RANBP3: variants seen among roughly 807,000 people sequenced by gnomAD.
The protein encoded by RANBP3 is ran-binding protein 3.
Under a neutral mutation model 77.3 loss-of-function variants are expected in RANBP3, and 14 were observed. The observed-to-expected ratio is 0.18, with a 90% CI of 0.12 to 0.28. The LOEUF (loss-of-function observed/expected upper bound fraction) is 0.28, where lower values mean the gene tolerates loss of function less well. Ranked by LOEUF, RANBP3 falls within the 10% of genes least tolerant of loss-of-function variation. The pLI is 1.00. For synonymous variants in RANBP3, 315 were observed against 312.4 expected (o/e 1.01, Z -0.09); for missense variants, 586 against 752.3 (o/e 0.78, Z 2.59).
In RANBP3 at chr19:5,919,371, C is replaced by T. The variant is rs1048714042; in HGVS notation, c.1331-733G>A. Reference sequence around the variant, plus strand: ...CCTGGAGACGGTCAGAAACTTGTCCCCCTGCCCTGGCCCAGCGAACAGACC... The same window carrying T: ...CCTGGAGACGGTCAGAAACTTGTCCTCCTGCCCTGGCCCAGCGAACAGACC... On this transcript the variant is annotated intron_variant, in intron 14 of 16. Transcript: ENST00000340578. Among the ~76,000 whole-genome samples the T allele has an allele frequency of 1.2e-4, 18 of 152,312 alleles. No individual in the cohort carries two copies. The East Asian group carries it at 3.3e-3, about 28-fold the overall frequency.
At chr19:5,933,303 A>C (rs1479217008) in intron 6 of RANBP3, 111 bp downstream of exon 6, 2 of 866,460 alleles carry the variant, frequency 2.3e-6, no homozygotes, top group African/African-American at 3.5e-5. Context: ...GTCAAGTTAC[A>C]AGTGATCTTT....
Position 5,923,820 on chromosome 19 carries a change from G to C in RANBP3, c.1091C>G (p.Pro364Arg), listed in dbSNP as rs2057862108. 6.8e-6 allele frequency: 11 copies of C among 1,612,310 alleles called. No individual in the cohort carries two copies. Among genetic ancestry groups the C allele is most frequent in the Non-Finnish European group, 9.3e-6 (11 of 1,178,322 alleles). Residue 364 changes from proline to arginine, a missense_variant, in exon 12 of 17, where the codon CCT (proline) becomes CGT (arginine). By Grantham distance (103) the Pro-to-Arg change is moderately radical. Transcript: ENST00000340578. ...GSESSSQEAT[P>R]EKESLAESAA... is the part of the protein sequence containing the mutation. ...GTGGGACGCTAACATACCTTTCTCA[G>C]GGGTGGCCTCCTGGGACGAGGACTC...
chr19:5,951,445 G>A lies in RANBP3; in HGVS notation c.230C>T (p.Pro77Leu), dbSNP rs564177004. 29 of 1,597,502 alleles carry A rather than the reference G, an allele frequency of 1.8e-5. No individual in the cohort carries two copies. Among genetic ancestry groups the A allele is most frequent in the Non-Finnish European group, 2.4e-5 (28 of 1,171,458 alleles). The change falls in exon 3 of 17, where the codon CCG becomes CTG. Residue 77 changes from proline to leucine, a missense_variant. Physicochemically the swap from Pro to Leu is moderately conservative, Grantham distance 98 (BLOSUM62 -3). Transcript: ENST00000340578. The stretch of plus-strand genomic sequence containing the variant: ...AAGCTGGGCTTCAGGAGCGGGAGGC[G>A]GAGGAGTGCTGGCTGAGGCGCCAGC... ...APAGASASTP[P>L]PPAPEAQLPP...
At position 5,916,351 on chromosome 19, in the gene RANBP3, G is replaced by C. The variant is rs11545919; in HGVS notation, c.*1259C>G. 3 of 152,318 alleles carry C rather than the reference G, an allele frequency of 2.0e-5. No homozygotes were observed. Among genetic ancestry groups the C allele is most frequent in the East Asian group, 3.9e-4 (2 of 5,178 alleles). The allele number at this position is 152,318 out of a possible 1,614,324, so 9.4% of individuals were successfully genotyped here. A position where few individuals can be genotyped will look rare whatever the true frequency, so the allele number is the denominator to read the frequency against. Reference sequence around the variant, plus strand: ...TGGGGGCCAGGGCTCTGGCGACCTAGAGGTGTGGACGGCACAGCTGCAGGA... The same window carrying C: ...TGGGGGCCAGGGCTCTGGCGACCTACAGGTGTGGACGGCACAGCTGCAGGA... On this transcript the variant is annotated 3_prime_UTR_variant, in exon 17 of 17. Transcript: ENST00000340578.
At chr19:5,929,070 C>T (rs772960317) in intron 8 of RANBP3, among the ~76,000 whole-genome samples, 2 of 152,128 alleles carry the variant, frequency 1.3e-5, no homozygotes, top group Non-Finnish European at 2.9e-5. Flanking sequence ...GCGTGTCCAG[C>T]GGGCAGGGAA....
intron 3 of RANBP3, among the ~76,000 whole-genome samples, chr19:5,947,867 C>T (rs905950181): frequency 6.6e-6 from 1 of 152,148 alleles, no homozygotes; most frequent in Admixed American, 6.5e-5. Context: ...CAGAGGGGCA[C>T]ATCCCATCTG....
At chr19:5,925,997 G>A (rs369547079) in intron 9 of RANBP3, among the ~76,000 whole-genome samples, 26 of 152,230 alleles carry the variant, frequency 1.7e-4, no homozygotes, top group African/African-American at 5.1e-4. Context: ...ACAAAACCAC[G>A]CCTTGTTATA....
intron 5 of RANBP3, among the ~76,000 whole-genome samples, chr19:5,934,970 G>T (rs959491431): frequency 6.6e-6 from 1 of 152,232 alleles, no homozygotes; most frequent in African/African-American, 2.4e-5. Flanking sequence ...AGGGCTCAAG[G>T]GAGGGGGTTG....
chr19:5,928,946 T>A (rs941812949), intron 8 of RANBP3, among the ~76,000 whole-genome samples: 3 of 152,216 alleles, frequency 2.0e-5, no homozygotes, highest in Non-Finnish European at 4.4e-5. Context: ...TGGCGATGTG[T>A]ACAGTGGACA....
rs1208098152 is a variant in RANBP3 at position 5,917,543 on chromosome 19, G to C, written c.*67C>G. The C allele has an allele frequency of 9.4e-6, 14 of 1,483,590 alleles. No individual in the cohort carries two copies. The Admixed American group carries it at 1.9e-4, about 20-fold the overall frequency. 91.9% of individuals were successfully genotyped at this position (1,483,590 alleles called of 1,614,324 possible). A position where few individuals can be genotyped will look rare whatever the true frequency, so the allele number is the denominator to read the frequency against. ...CGCACCTGGACGCTGCCGGTGGGGT[G>C]GGGGCGGGTGGGCGGGTGGATAGAC... On this transcript the variant is annotated 3_prime_UTR_variant, in exon 17 of 17. Coordinates refer to ENST00000340578, the MANE Select transcript of RANBP3 (RefSeq NM_007322.3).
intron 7 of RANBP3, among the ~76,000 whole-genome samples, chr19:5,931,890 C>T (rs1220366340): frequency 6.6e-6 from 1 of 151,954 alleles, no homozygotes; most frequent in Non-Finnish European, 1.5e-5. Flanking sequence ...AACAAACTGG[C>T]TGGGTGTGGT....
chr19:5,943,260 G>A (rs2058162675), intron 3 of RANBP3, among the ~76,000 whole-genome samples: 1 of 152,200 alleles, frequency 6.6e-6, no homozygotes, highest in Non-Finnish European at 1.5e-5. Flanking sequence ...CGAGCTGCTG[G>A]GGCTTAGGGG....
intron 2 of RANBP3, among the ~76,000 whole-genome samples, chr19:5,956,697 C>T (rs995078469): frequency 6.6e-6 from 1 of 152,158 alleles, no homozygotes; most frequent in Non-Finnish European, 1.5e-5. Flanking sequence ...CCGATCCCCA[C>T]AGAGCACTTC....
In RANBP3 at chr19:5,951,536, C is replaced by T. The variant is rs1384350174; in HGVS notation, c.139G>A (p.Ala47Thr). ...GGGTGACCCGTGCCATGGTGGGGGG[C>T]CTCAGCCTCCCCCCGAGGCTCCTCT... ...SGEEPRGEAE[A>T]PHHGTGHPES... is the part of the protein sequence containing the mutation. Residue 47 changes from alanine to threonine, a missense_variant, in exon 3 of 17, where the codon GCC becomes ACC. By Grantham distance (58) the Ala-to-Thr change is moderately conservative. Transcript: ENST00000340578. 4 of 1,612,204 alleles carry T rather than the reference C, an allele frequency of 2.5e-6. No individual in the cohort carries two copies. Among genetic ancestry groups the T allele is most frequent in the Non-Finnish European group, 3.4e-6 (4 of 1,179,040 alleles).
chr19:5,929,979 T>C (rs1359395621), intron 8 of RANBP3, among the ~76,000 whole-genome samples: 1 of 152,182 alleles, frequency 6.6e-6, no homozygotes, highest in Non-Finnish European at 1.5e-5. Context: ...GAGAAGGGGC[T>C]GGAACCGGCA....
intron 1 of RANBP3, among the ~76,000 whole-genome samples, chr19:5,975,334 A>T (rs2058577921): frequency 1.3e-5 from 2 of 152,128 alleles, no homozygotes; most frequent in South Asian, 4.1e-4. Flanking sequence ...AGTTCAAAAC[A>T]TTCCATTTCT....
intron 3 of RANBP3, among the ~76,000 whole-genome samples, chr19:5,949,073 T>C (rs1478413541): frequency 2.0e-5 from 3 of 152,130 alleles, no homozygotes; most frequent in Non-Finnish European, 2.9e-5. Context: ...AGCGCACCAC[T>C]GTTTATCATC....
In RANBP3 at chr19:5,921,491, A is replaced by C. The variant is rs552617180; in HGVS notation, c.1210-170T>G. Reference sequence around the variant, plus strand: ...GCCCTCAAGCTAGAACAGGCTTTACATTGTATAAGGGGTATCTGAAATTAA... The same window carrying C: ...GCCCTCAAGCTAGAACAGGCTTTACCTTGTATAAGGGGTATCTGAAATTAA... On this transcript the variant is annotated intron_variant, in intron 13 of 16. Transcript: ENST00000340578. This position sits in a 1 kb window ranked among gnomAD's most constrained non-coding sequence, Gnocchi z 5.3. Among the ~76,000 whole-genome samples, 412 of 152,242 alleles carry C rather than the reference A, an allele frequency of 2.7e-3. 1 individual carries two copies. Among genetic ancestry groups the C allele is most frequent in the South Asian group, 5.2e-3 (25 of 4,820 alleles).
intron 6 of RANBP3, chr19:5,933,038 A>C: frequency 3.8e-6 from 1 of 265,862 alleles, no homozygotes; most frequent in Non-Finnish European, 7.2e-6. Flanking sequence ...CCGGCTCACT[A>C]GCAGCGCGCC....
Sources: allele counts gnomAD v4.1 joint callset (sites outside exome capture counted in the v4.1 genomes callset), GRCh38; gene constraint gnomAD v4.1.1; non-coding constraint Gnocchi (gnomAD v3.1); transcripts MANE v1.5; gene names NCBI Gene and HGNC (gene_info 2026-07-23, HGNC 2026-07-21).